EQTN: variants seen among roughly 807,000 people sequenced by gnomAD.
EQTN encodes equatorin.
Under a neutral mutation model 26.9 loss-of-function variants are expected in EQTN, and 29 were observed. That is an observed-to-expected ratio of 1.08 (90% CI 0.80 to 1.47). The LOEUF is 1.47. Ranked by LOEUF, EQTN falls within the 40% of genes most tolerant of loss-of-function variation. EQTN has a pLI of 0.00. For synonymous variants in EQTN, 129 were observed against 120.0 expected (o/e 1.07, Z -0.49); for missense variants, 391 against 346.1 (o/e 1.13, Z -1.03).
At chr9:27,290,118 A>G (rs892784820) in intron 5 of EQTN, among the ~76,000 whole-genome samples, 5 of 152,226 alleles carry the variant, frequency 3.3e-5, no homozygotes, top group Admixed American at 2.6e-4. Flanking sequence ...TATCTCCATA[A>G]GGAACATCAC....
chr9:27,284,875 T>A lies in EQTN; in HGVS notation c.733A>T (p.Lys245Ter). ...SEGVSDTSFS[K>*]SAESSTFLGT... ...AAAAATGTGCTGCTCTCTGCACTCT[T>A]GGAAAAGGATGTATCTGAAACACCT... Residue 245 changes from lysine (K) to a stop codon, truncating the protein, a stop_gained, in exon 8 of 8, where the codon AAG becomes TAG. Transcript: ENST00000380032. LOFTEE classifies it low-confidence loss of function (END_TRUNC). 3 of 1,614,140 alleles carry A rather than the reference T, an allele frequency of 1.9e-6. No homozygotes were observed. The South Asian group carries it at 3.3e-5, about 18-fold the overall frequency.
chr9:27,286,167 T>C (rs780234319), intron 7 of EQTN, 42 bp downstream of exon 7: 4 of 1,589,914 alleles, frequency 2.5e-6, no homozygotes, highest in South Asian at 1.1e-5. Context: ...GAATGCGATG[T>C]CATGCATTTG....
Position 27,297,145 on chromosome 9 carries a change from C to A in EQTN, c.-90G>T. ...CAGCAGGTCCTGTGTCTAACTAGGA[C>A]ATTATGACATCACTGTCAGATGGGC... On this transcript the variant is annotated 5_prime_UTR_variant, in exon 1 of 8. An upstream start codon of the reference 5' UTR is lost. Transcript: ENST00000380032. The A allele has an allele frequency of 4.9e-6, 4 of 820,916 alleles. No individual in the cohort carries two copies. The highest frequency in any genetic ancestry group is 2.7e-5 in the East Asian group (1 of 36,674). The allele number at this position is 820,916 out of a possible 1,614,324, so 50.9% of individuals were successfully genotyped here. A position where few individuals can be genotyped will look rare whatever the true frequency, so the allele number is the denominator to read the frequency against.
intron 4 of EQTN, 141 bp from the exon 5 acceptor site, chr9:27,291,204 C>G: frequency 1.5e-6 from 1 of 657,488 alleles, no homozygotes; most frequent in East Asian, 2.9e-5. Flanking sequence ...CTGTGGTTGG[C>G]ACTAACTTAT....
rs749622218 is a variant in EQTN, at chr9:27,291,052, T to C, written c.388A>G (p.Asn130Asp). ...SHKNIQRSTP[N>D]VPAFWTMLAK... Reference sequence around the variant, plus strand: ...AACATTGTCCAAAATGCAGGCACGTTTGGGGTTGATCCTGTTAAAACAAAA... The same window carrying C: ...AACATTGTCCAAAATGCAGGCACGTCTGGGGTTGATCCTGTTAAAACAAAA... Residue 130 changes from asparagine (N) to aspartate (D), a missense_variant, in exon 5 of 8, where the codon AAC becomes GAC. By Grantham distance (23) the Asn-to-Asp change is conservative. Transcript: ENST00000380032. The C allele has an allele frequency of 6.2e-7, 1 of 1,611,600 alleles. No individual in the cohort carries two copies. Among genetic ancestry groups the C allele is most frequent in the African/African-American group, 1.3e-5 (1 of 74,856 alleles).
At chr9:27,287,513 A>G (rs777582362) in intron 6 of EQTN, among the ~76,000 whole-genome samples, 1 of 152,206 alleles carries the variant, frequency 6.6e-6, no homozygotes, top group African/African-American at 2.4e-5. Context: ...GAAGTGACAG[A>G]AAAGCTAGTT....
At chr9:27,286,419 A>T in intron 6 of EQTN, 57 bp from the exon 7 acceptor site, 2 of 1,512,924 alleles carry the variant, frequency 1.3e-6, no homozygotes, top group Non-Finnish European at 1.8e-6. Flanking sequence ...CTCCTGAAGG[A>T]GTAAAGATTG....
At chr9:27,295,943 T>A (rs1206047899) in intron 2 of EQTN, among the ~76,000 whole-genome samples, 3 of 151,432 alleles carry the variant, frequency 2.0e-5, no homozygotes, top group African/African-American at 7.3e-5. Context: ...GCAGAGATTA[T>A]AAAGAAATAA....
At chr9:27,289,998 G>C (rs1587112260) in intron 5 of EQTN, among the ~76,000 whole-genome samples, 1 of 152,126 alleles carries the variant, frequency 6.6e-6, no homozygotes, top group Non-Finnish European at 1.5e-5. Flanking sequence ...TTTTATGTGT[G>C]TTTCTGTTAA....
chr9:27,291,087 A>T (rs1258982033), intron 4 of EQTN, 24 bp from the exon 5 acceptor site: 4 of 1,577,316 alleles, frequency 2.5e-6, no homozygotes. Context: ...ACAAAACACA[A>T]CAAGAACAAC....
At chr9:27,285,082 T>TAGTTACTTA in intron 7 of EQTN, 110 bp from the exon 8 acceptor site, 1 of 762,156 alleles carries the variant, frequency 1.3e-6, no homozygotes, top group South Asian at 2.0e-5. Context: ...CCCAAAGTGT[T>TAGTTACTTA]AGTTACTTAG....
rs114012838 is a variant in EQTN at position 27,289,967 on chromosome 9, A to G, written c.422-236T>C. 2.2e-3 allele frequency among the ~76,000 whole-genome samples: 339 copies of G among 152,328 alleles called. 1 individual carries two copies. Among genetic ancestry groups the G allele is most frequent in the African/African-American group, 7.8e-3 (323 of 41,560 alleles). On this transcript the variant is annotated intron_variant, in intron 5 of 7. Coordinates refer to ENST00000380032, the MANE Select transcript of EQTN (RefSeq NM_020641.3). ...AAGTCTGGTCACAGCATTTTCATCA[A>G]CTGATAAATAAATAACCTTGTTTTA...
intron 2 of EQTN, among the ~76,000 whole-genome samples, chr9:27,295,729 G>GAC (rs1820322662): frequency 6.6e-6 from 1 of 151,128 alleles, no homozygotes; most frequent in African/African-American, 2.4e-5. Flanking sequence ...CTACTCAGGA[G>GAC]GCTGAGGCAG....
chr9:27,286,334 T>G lies in EQTN; in HGVS notation c.510A>C (p.Glu170Asp). 6.2e-7 allele frequency: 1 copy of G among 1,601,514 alleles called. No homozygotes were observed. Among genetic ancestry groups the G allele is most frequent in the Non-Finnish European group, 8.5e-7 (1 of 1,173,378 alleles). The change falls in exon 7 of 8, where the codon GAA becomes GAC. Residue 170 changes from glutamate (E) to aspartate (D), a missense_variant. Transcript: ENST00000380032. ...PESDVNATQG[E>D]NQPDLEDLKI... ...TCAGATCCTCTAGATCTGGCTGATT[T>G]TCTCCCTGTGTAGCATTCACATCAG...
Position 27,294,389 on chromosome 9 carries a change from T to C in EQTN, c.216A>G (p.Thr72=), listed in dbSNP as rs1260827753. 6.2e-7 allele frequency: 1 copy of C among 1,600,134 alleles called. No individual in the cohort carries two copies. The highest frequency in any genetic ancestry group is 8.5e-7 in the Non-Finnish European group (1 of 1,171,170). The change falls in exon 3 of 8, where the codon ACA becomes ACG. Residue 72 remains threonine (T), a synonymous_variant. Coordinates refer to ENST00000380032, the MANE Select transcript of EQTN (RefSeq NM_020641.3). ...YKDIKQYVFT[T]QNPNGTESEI... is the part of the protein sequence containing the mutation. The stretch of plus-strand genomic sequence containing the variant: ...CAGACTCAGTGCCATTTGGATTTTG[T>C]GTTGTGAACACATCTAAAAACAAAA...
In EQTN at chr9:27,286,506, A is replaced by G. The variant is rs986611165; in HGVS notation, c.482-144T>C. The G allele has an allele frequency of 6.5e-6, 5 of 765,780 alleles. No homozygotes were observed. The African/African-American group carries it at 7.0e-5, about 11-fold the overall frequency. The allele number at this position is 765,780 out of a possible 1,614,324, so 47.4% of individuals were successfully genotyped here. ...CGGTCTCCCATCCCGCAGGCAATGC[A>G]AAGGAGAAAGCTACTCTCTAAAGCC... On this transcript the variant is annotated intron_variant, in intron 6 of 7. Transcript: ENST00000380032.
chr9:27,284,959 C>G lies in EQTN; in HGVS notation c.649G>C (p.Glu217Gln). 1 of 1,611,312 alleles carries G rather than the reference C, an allele frequency of 6.2e-7. No individual in the cohort carries two copies. Among genetic ancestry groups the G allele is most frequent in the Non-Finnish European group, 8.5e-7 (1 of 1,179,028 alleles). Residue 217 changes from glutamate to glutamine, a missense_variant, in exon 8 of 8, where the codon GAG (glutamate) becomes CAG (glutamine). Glu to Gln is a conservative substitution (Grantham distance 29). Coordinates refer to ENST00000380032, the MANE Select transcript of EQTN (RefSeq NM_020641.3). The part of the protein sequence containing the change: ...KLRHLSYKSC[E>Q]SQYSVNPELA... ...TCTGGGTTGACAGAGTACTGACTCT[C>G]ACAACTTTTATAACTGAAGAAGAAA...
intron 3 of EQTN, 111 bp downstream of exon 3, chr9:27,294,205 T>C: frequency 1.6e-6 from 1 of 631,300 alleles, no homozygotes; most frequent in Non-Finnish European, 2.7e-6. Context: ...GGGAAAATGT[T>C]AGTCTTATTT....
At position 27,284,772 on chromosome 9, in the gene EQTN, A is replaced by T. The variant is rs1484052272; in HGVS notation, c.836T>A (p.Ile279Lys). 6.2e-7 allele frequency: 1 copy of T among 1,614,144 alleles called. No individual in the cohort carries two copies. The change falls in exon 8 of 8, where the codon ATA becomes AAA. Residue 279 changes from isoleucine (I) to lysine (K), a missense_variant. Transcript: ENST00000380032. ...ESKIMTDIIS[I>K]GSDNEMHEND... ...TTCATGCATCTCATTATCTGAGCCTATGGAAATGATATCCGTCATTATCTT... is the reference window on the plus strand; with the variant it reads ...TTCATGCATCTCATTATCTGAGCCTTTGGAAATGATATCCGTCATTATCTT...
Sources: gnomAD v4.1 joint callset for allele counts (sites outside exome capture counted in the v4.1 genomes callset) on GRCh38, gnomAD v4.1.1 for gene constraint, MANE v1.5 for transcripts, NCBI Gene and HGNC (gene_info 2026-07-23, HGNC 2026-07-21) for gene names.